The following PPP2R3B variants were observed in gnomAD, a reference collection of about 807,000 sequenced individuals.
PPP2R3B encodes the protein serine/threonine-protein phosphatase 2A regulatory subunit B'' subunit beta.
PPP2R3B carries 68 observed loss-of-function variants against 72.9 expected under a neutral mutation model. The ratio of observed to expected loss-of-function variants is 0.93; its 90% confidence interval spans 0.77 to 1.14. The LOEUF (loss-of-function observed/expected upper bound fraction) is 1.14, where lower values mean the gene tolerates loss of function less well. Ranked by LOEUF, PPP2R3B falls within the 50% of genes most tolerant of loss-of-function variation. The pLI, the probability that PPP2R3B is intolerant of heterozygous loss-of-function variation, is 0.00. For missense variants in PPP2R3B, 1,018 were observed against 842.0 expected (o/e 1.21, Z -2.59); for synonymous variants, 466 against 375.8 (o/e 1.24, Z -2.78).
chrX:364,482 A>G (rs1411306661), intron 1 of PPP2R3B, among the ~76,000 whole-genome samples: 1 of 150,782 alleles, frequency 6.6e-6, no homozygotes, highest in African/African-American at 2.4e-5. Flanking sequence ...CAGCCTGGGC[A>G]ACATGGCAAA....
intron 1 of PPP2R3B, among the ~76,000 whole-genome samples, chrX:371,036 G>A (rs1173615670): frequency 6.6e-6 from 1 of 152,134 alleles, no homozygotes; most frequent in Admixed American, 6.5e-5. Flanking sequence ...TCACTCCCCA[G>A]GCGGGGAGGG....
intron 1 of PPP2R3B, among the ~76,000 whole-genome samples, chrX:378,563 T>C (rs112542511): frequency 0.013 from 1,994 of 152,258 alleles, 46 homozygotes; most frequent in African/African-American, 0.046. Context: ...ACCCTGCAGG[T>C]GCCGTCTGCA....
intron 1 of PPP2R3B, among the ~76,000 whole-genome samples, chrX:377,881 T>C (rs2072033406): frequency 9.5e-6 from 1 of 105,530 alleles, no homozygotes; most frequent in South Asian, 3.1e-4. Flanking sequence ...GGGCTGTCTA[T>C]ACACTACTGT....
At chrX:364,465 T>TC (rs2071642747) in intron 1 of PPP2R3B, among the ~76,000 whole-genome samples, 1 of 138,632 alleles carries the variant, frequency 7.2e-6, no homozygotes, top group Middle Eastern at 4.3e-3. Flanking sequence ...GCTGAGGAGT[T>TC]CAAGACCAGC....
At chrX:346,086 A>G (rs187991190) in intron 6 of PPP2R3B, 88 bp downstream of exon 6, 270,172 of 567,504 alleles carry the variant, frequency 0.48, 66,362 homozygotes, top group South Asian at 0.52. Flanking sequence ...GGAGGGGAGG[A>G]GGGAGGGGGG....
intron 2 of PPP2R3B, among the ~76,000 whole-genome samples, chrX:349,360 C>T (rs1178386567): frequency 1.3e-5 from 2 of 152,086 alleles, no homozygotes; most frequent in Admixed American, 6.6e-5. Flanking sequence ...ACAAGCTGCC[C>T]GGGCTATGGT....
At position 345,239 on chromosome X, in the gene PPP2R3B, C is replaced by A. The variant is rs776498800; in HGVS notation, c.1036+277G>T. 3.7e-5 allele frequency: 25 copies of A among 667,870 alleles called. 1 individual carries two copies. The South Asian group carries it at 3.8e-4, about 10-fold the overall frequency. 41.4% of individuals were successfully genotyped at this position (667,870 alleles called of 1,614,324 possible). On this transcript the variant is annotated intron_variant, in intron 7 of 12. Coordinates refer to ENST00000390665, the MANE Select transcript of PPP2R3B (RefSeq NM_013239.5). ...AAGGAAGCCCCACAGCGCTGCTGGC[C>A]CTCGGGCCAGGAGCTTCAGGACCAG...
intron 1 of PPP2R3B, among the ~76,000 whole-genome samples, chrX:367,722 A>G (rs2071752887): frequency 6.6e-6 from 1 of 152,244 alleles, no homozygotes; most frequent in Non-Finnish European, 1.5e-5. Flanking sequence ...ACCTCAATGC[A>G]CCGAGTGCTC....
rs867685465 is a variant in PPP2R3B, at chrX:346,095, G to A, written c.879+79C>T. On this transcript the variant is annotated intron_variant, in intron 6 of 12. Coordinates refer to ENST00000390665, the MANE Select transcript of PPP2R3B (RefSeq NM_013239.5). ...GGGGTGGGAGGGGAGGAGGGAGGGG[G>A]GAGGAGGGAAGGGAAGGGAGTGGAG... 5.7e-4 allele frequency: 354 copies of A among 617,390 alleles called. 14 individuals carry two copies. The highest frequency in any genetic ancestry group is 1.8e-3 in the East Asian group (52 of 29,146). 38.2% of individuals were successfully genotyped at this position (617,390 alleles called of 1,614,324 possible).
At chrX:379,752 G>A (rs556630633) in intron 1 of PPP2R3B, among the ~76,000 whole-genome samples, 8 of 152,258 alleles carry the variant, frequency 5.3e-5, no homozygotes, top group Middle Eastern at 3.4e-3. Context: ...TACTGTTAAG[G>A]TATCAATTAT....
Position 348,581 on chromosome X carries a change from A to AAAAAAAAAAAAAG in PPP2R3B, c.511-889_511-888insCTTTTTTTTTTTT, listed in dbSNP as rs111787156. Among the ~76,000 whole-genome samples the AAAAAAAAAAAAAG allele has an allele frequency of 3.5e-5, 5 of 144,378 alleles. No homozygotes were observed. The East Asian group carries it at 6.3e-4, about 18-fold the overall frequency. The allele number at this position is 144,378 out of a possible 152,430, so 94.7% of individuals were successfully genotyped here. A position where few individuals can be genotyped will look rare whatever the true frequency, so the allele number is the denominator to read the frequency against. On this transcript the variant is annotated intron_variant, in intron 2 of 12. Coordinates refer to ENST00000390665, the MANE Select transcript of PPP2R3B (RefSeq NM_013239.5). ...ACAGAGAGAGACTCTGTCTCAAAAA[A>AAAAAAAAAAAAAG]AGAGCAAATACAGATTAGCCATGTC...
At chrX:344,008 G>C (rs1441346655) in intron 7 of PPP2R3B, among the ~76,000 whole-genome samples, 345 of 78,680 alleles carry the variant, frequency 4.4e-3, no homozygotes, top group Admixed American at 8.1e-3. Context: ...GGAGGGAGAC[G>C]TCGCCAAGGA....
rs2071200862 is a variant in PPP2R3B at position 346,062 on chromosome X, T to TGGGGGTGGGGGG, written c.879+111_879+112insCCCCCCACCCCC. The TGGGGGTGGGGGG allele has an allele frequency of 2.0e-5, 8 of 391,436 alleles. No homozygotes were observed. The East Asian group carries it at 2.1e-4, about 10-fold the overall frequency. 24.2% of individuals were successfully genotyped at this position (391,436 alleles called of 1,614,324 possible). On this transcript the variant is annotated intron_variant, in intron 6 of 12. Coordinates refer to ENST00000390665, the MANE Select transcript of PPP2R3B (RefSeq NM_013239.5). Reference sequence around the variant, plus strand: ...GTGGAGGTGGGGGTGGGGGTGGGGGTGGGAGAGGGGGTGGGAGGGGAGGAG... The same window carrying TGGGGGTGGGGGG: ...GTGGAGGTGGGGGTGGGGGTGGGGGTGGGGGTGGGGGGGGGAGAGGGGGTGGGAGGGGAGGAG...
chrX:375,844 C>CCCTGTCCTGCCACGGT lies in PPP2R3B; in HGVS notation c.324+10523_324+10524insACCGTGGCAGGACAGG, dbSNP rs1384849050. ...TGACACACGCCCTGTCCTGCCACGG[C>CCCTGTCCTGCCACGGT]GGGTGACACACACCCCTGTGGACTT... On this transcript the variant is annotated intron_variant, in intron 1 of 12. Coordinates refer to ENST00000390665, the MANE Select transcript of PPP2R3B (RefSeq NM_013239.5). Among the ~76,000 whole-genome samples the CCCTGTCCTGCCACGGT allele has an allele frequency of 3.4e-4, 26 of 77,160 alleles. No individual in the cohort carries two copies. The South Asian group carries it at 4.3e-3, about 13-fold the overall frequency. 50.6% of individuals were successfully genotyped at this position (77,160 alleles called of 152,430 possible).
chrX:353,454 G>C (rs886081894), intron 2 of PPP2R3B, among the ~76,000 whole-genome samples: 7 of 151,986 alleles, frequency 4.6e-5, no homozygotes, highest in Admixed American at 1.3e-4. Context: ...CCTTCCCACA[G>C]AGAAAACTAT....
chrX:349,823 G>A (rs1603063096), intron 2 of PPP2R3B, among the ~76,000 whole-genome samples: 1 of 152,144 alleles, frequency 6.6e-6, no homozygotes, highest in Non-Finnish European at 1.5e-5. Flanking sequence ...AAACTGCAGG[G>A]CACGGCTGGG....
chrX:342,173 G>A (rs762075206), intron 7 of PPP2R3B: 33 of 608,772 alleles, frequency 5.4e-5, no homozygotes, highest in Non-Finnish European at 8.2e-5. Flanking sequence ...GCGGCTCCAA[G>A]ACCGACTTGT....
intron 2 of PPP2R3B, among the ~76,000 whole-genome samples, chrX:359,366 G>A (rs2071498467): frequency 6.6e-6 from 1 of 152,226 alleles, no homozygotes; most frequent in Non-Finnish European, 1.5e-5. Flanking sequence ...GCACGGAGCA[G>A]GTGCTCACTC....
At chrX:368,620 C>T (rs1390833425) in intron 1 of PPP2R3B, among the ~76,000 whole-genome samples, 2 of 105,512 alleles carry the variant, frequency 1.9e-5, no homozygotes, top group East Asian at 5.5e-4. Flanking sequence ...GGACCACCCA[C>T]CCTGGGCACC....
Sources: allele counts gnomAD v4.1 joint callset (sites outside exome capture counted in the v4.1 genomes callset), GRCh38; gene constraint gnomAD v4.1.1; transcripts MANE v1.5; gene names NCBI Gene and HGNC (gene_info 2026-07-23, HGNC 2026-07-21).